The following RHCG variants were observed in gnomAD, a reference collection of about 807,000 sequenced individuals.
The protein encoded by RHCG is Rh family C glycoprotein.
Under a neutral mutation model 55.3 loss-of-function variants are expected in RHCG, and 39 were observed. That is an observed-to-expected ratio of 0.70 (90% confidence interval 0.55 to 0.92). The LOEUF (loss-of-function observed/expected upper bound fraction) is 0.92, where lower values mean the gene tolerates loss of function less well. RHCG is among the 40% of genes least tolerant of loss of function. RHCG has a pLI of 0.00. For synonymous variants in RHCG, 250 were observed against 246.8 expected (o/e 1.01, Z -0.12); for missense variants, 635 against 627.9 (o/e 1.01, Z -0.12).
chr15:89,485,138 C>T (rs1321607900), intron 2 of RHCG, among the ~76,000 whole-genome samples: 1 of 152,224 alleles, frequency 6.6e-6, no homozygotes, highest in Non-Finnish European at 1.5e-5. Flanking sequence ...ACTTGCTGAA[C>T]AACTGCTTCA....
intron 1 of RHCG, among the ~76,000 whole-genome samples, chr15:89,495,594 C>A (rs1352877529): frequency 6.6e-6 from 1 of 152,174 alleles, no homozygotes; most frequent in Non-Finnish European, 1.5e-5. Flanking sequence ...TCCTAGGGCA[C>A]CTGTGTTTGG....
At chr15:89,493,579 C>T (rs1961514624) in intron 1 of RHCG, among the ~76,000 whole-genome samples, 1 of 152,222 alleles carries the variant, frequency 6.6e-6, no homozygotes, top group African/African-American at 2.4e-5. Context: ...ACAGGGAAGG[C>T]ACCTTGGAGC....
At chr15:89,487,682 G>A (rs1839746276) in intron 1 of RHCG, among the ~76,000 whole-genome samples, 1 of 152,204 alleles carries the variant, frequency 6.6e-6, no homozygotes, top group South Asian at 2.1e-4. Flanking sequence ...GGAAAGTTAA[G>A]TATTTTAACT....
At chr15:89,490,486 C>T (rs529542386) in intron 1 of RHCG, among the ~76,000 whole-genome samples, 17 of 152,332 alleles carry the variant, frequency 1.1e-4, no homozygotes, top group African/African-American at 3.6e-4. Context: ...CATGTATGAT[C>T]GTGTTGCAGG....
At chr15:89,485,021 A>G (rs1167455412) in intron 2 of RHCG, among the ~76,000 whole-genome samples, 1 of 152,148 alleles carries the variant, frequency 6.6e-6, no homozygotes, top group Non-Finnish European at 1.5e-5. Context: ...GTCTGGGGAC[A>G]ATATGCTCAT....
At chr15:89,475,012 G>GCCTT (rs1445881238) in intron 9 of RHCG, among the ~76,000 whole-genome samples, 1 of 79,244 alleles carries the variant, frequency 1.3e-5, no homozygotes, top group Non-Finnish European at 2.4e-5. Context: ...CTTCCTGCCC[G>GCCTT]CCTTCCTTCC....
intron 3 of RHCG, among the ~76,000 whole-genome samples, chr15:89,481,975 T>C (rs1961276063): frequency 6.6e-6 from 1 of 152,194 alleles, no homozygotes; most frequent in African/African-American, 2.4e-5. Context: ...CTAATTTTTG[T>C]ATTTTAAGGA....
chr15:89,489,853 CT>C (rs1961442269), intron 1 of RHCG, among the ~76,000 whole-genome samples: 1 of 152,164 alleles, frequency 6.6e-6, no homozygotes, highest in African/African-American at 2.4e-5. Context: ...TTATGGCACC[CT>C]TTTTTCTTTC....
intron 1 of RHCG, among the ~76,000 whole-genome samples, chr15:89,495,410 C>T (rs1426054997): frequency 6.6e-6 from 1 of 152,216 alleles, no homozygotes; most frequent in Non-Finnish European, 1.5e-5. Flanking sequence ...TCAAAGCTAA[C>T]AGTCAATGAC....
intron 1 of RHCG, among the ~76,000 whole-genome samples, chr15:89,487,701 G>C (rs1435175340): frequency 6.6e-6 from 1 of 152,184 alleles, no homozygotes; most frequent in Non-Finnish European, 1.5e-5. Flanking sequence ...CTCGGGGCTT[G>C]GCACCTGCTT....
intron 3 of RHCG, among the ~76,000 whole-genome samples, chr15:89,482,661 G>T (rs1028030102): frequency 6.6e-6 from 1 of 152,188 alleles, no homozygotes; most frequent in African/African-American, 2.4e-5. Context: ...TACACACCAT[G>T]GCCACCTTGG....
chr15:89,478,316 C>T (rs3784747), intron 5 of RHCG, among the ~76,000 whole-genome samples: 16,735 of 152,234 alleles, frequency 0.11, 2,751 homozygotes, highest in African/African-American at 0.36. Context: ...CATGTCTGAA[C>T]GTTCTTGCCA....
chr15:89,485,149 C>T (rs1961336868), intron 2 of RHCG, among the ~76,000 whole-genome samples: 1 of 152,176 alleles, frequency 6.6e-6, no homozygotes, highest in African/African-American at 2.4e-5. Flanking sequence ...AACTGCTTCA[C>T]CAAAAGCCTG....
intron 1 of RHCG, among the ~76,000 whole-genome samples, chr15:89,493,334 G>T (rs957892629): frequency 6.6e-6 from 1 of 152,210 alleles, no homozygotes; most frequent in East Asian, 1.9e-4. Flanking sequence ...GGGAAGCTGC[G>T]TGCTTAGCAA....
chr15:89,479,643 G>A, intron 4 of RHCG, 155 bp from the exon 5 acceptor site: 1 of 681,926 alleles, frequency 1.5e-6, no homozygotes, highest in Non-Finnish European at 2.4e-6. Flanking sequence ...GCTCTTCCTG[G>A]AAGGCCCTCC....
chr15:89,486,072 C>T (rs545684896), intron 2 of RHCG, among the ~76,000 whole-genome samples: 87 of 152,246 alleles, frequency 5.7e-4, no homozygotes, highest in African/African-American at 1.9e-3. Flanking sequence ...TGGTGGTGCT[C>T]ATCAGGCCAA....
chr15:89,477,212 G>C lies in RHCG; in HGVS notation c.1113-6C>G. 6.2e-7 allele frequency: 1 copy of C among 1,614,006 alleles called. No homozygotes were observed. Among genetic ancestry groups the C allele is most frequent in the Non-Finnish European group, 8.5e-7 (1 of 1,179,992 alleles). On this transcript the variant is annotated splice_polypyrimidine_tract_variant and splice_region_variant and intron_variant, in intron 7 of 10. Coordinates refer to ENST00000268122, the MANE Select transcript of RHCG (RefSeq NM_016321.3). The surrounding 1 kb of genome is among the most constrained non-coding windows in gnomAD (Gnocchi z 4.5). ...AGTCAAAGGAATGGACAAGCCTGGG[G>C]TGGAGACAGGGGGCAGGTCAGGGCC...
intron 4 of RHCG, 111 bp from the exon 5 acceptor site, chr15:89,479,599 C>G: frequency 1.0e-6 from 1 of 965,132 alleles, no homozygotes; most frequent in Non-Finnish European, 1.5e-6. Context: ...CCACACCCAG[C>G]TGTTTCCACC....
At chr15:89,487,778 C>T (rs1258155800) in intron 1 of RHCG, among the ~76,000 whole-genome samples, 1 of 152,188 alleles carries the variant, frequency 6.6e-6, no homozygotes, top group Non-Finnish European at 1.5e-5. Flanking sequence ...AAGCATCTAG[C>T]ACAGTGTCTA....
Sources: gnomAD v4.1 joint callset for allele counts (sites outside exome capture counted in the v4.1 genomes callset) on GRCh38, gnomAD v4.1.1 for gene constraint, Gnocchi (gnomAD v3.1) non-coding constraint, MANE v1.5 for transcripts, NCBI Gene and HGNC (gene_info 2026-07-23, HGNC 2026-07-21) for gene names.